DCTN1: variants seen among roughly 807,000 people sequenced by gnomAD.
DCTN1 encodes 150 kDa dynein-associated polypeptide.
A neutral mutation model predicts 161.2 loss-of-function variants in DCTN1; 61 were observed. That is an observed-to-expected ratio of 0.38 (90% CI 0.31 to 0.47). DCTN1 has a LOEUF of 0.47. DCTN1 is among the 20% of genes least tolerant of loss of function. The pLI, the probability that DCTN1 is intolerant of heterozygous loss-of-function variation, is 0.99. For synonymous variants in DCTN1, 653 were observed against 632.4 expected, an observed-to-expected ratio of 1.03 and a Z score of -0.49; for missense variants, 1,404 against 1,623.7, an observed-to-expected ratio of 0.86 and a Z score of 2.33.
chr2:74,365,372 G>A (rs1674329492), intron 25 of DCTN1, 131 bp from the exon 26 acceptor site: 1 of 1,548,486 alleles, frequency 6.5e-7, no homozygotes, highest in Non-Finnish European at 8.8e-7. Context: ...CTTAGGCTGG[G>A]GTGATGCAAT....
At chr2:74,388,347 A>G (rs1675836040) in intron 1 of DCTN1, among the ~76,000 whole-genome samples, 1 of 152,202 alleles carries the variant, frequency 6.6e-6, no homozygotes, top group East Asian at 1.9e-4. Context: ...ACTGCACTCC[A>G]GCCTGGGCAG....
chr2:74,380,542 C>G, upstream of DCTN1: 1 of 472,330 alleles, frequency 2.1e-6, no homozygotes, highest in Non-Finnish European at 4.4e-6. Context: ...CCTCAGCAGG[C>G]CCATAAGCAT....
At position 74,363,595 on chromosome 2, in the gene DCTN1, G is replaced by A. The variant is rs377261118; in HGVS notation, c.3211+19C>T. 25 of 1,613,030 alleles carry A rather than the reference G, an allele frequency of 1.5e-5. No individual in the cohort carries two copies. The highest frequency in any genetic ancestry group is 3.3e-4 in the Middle Eastern group (2 of 6,044). On this transcript the variant is annotated intron_variant, in intron 27 of 31. Coordinates refer to ENST00000628224, the MANE Select transcript of DCTN1 (RefSeq NM_004082.5). Reference sequence around the variant, plus strand: ...AACTCCCACCAGCCTGGTAACCCCCGGCCAGAGTGGGTCTCTACCTCGCTG... The same window carrying A: ...AACTCCCACCAGCCTGGTAACCCCCAGCCAGAGTGGGTCTCTACCTCGCTG...
chr2:74,372,026 T>G, intron 7 of DCTN1: 1 of 397,130 alleles, frequency 2.5e-6, no homozygotes, highest in Non-Finnish European at 4.8e-6. Context: ...TGACTCCACA[T>G]TCCTCCTAGC....
rs368562212 is a variant in DCTN1, at chr2:74,374,295, G to A, written c.432+28C>T. The A allele has an allele frequency of 5.9e-5, 83 of 1,412,860 alleles. No homozygotes were observed. In the Middle Eastern group the frequency reaches 9.5e-4, roughly 16 times the overall value. 87.5% of individuals were successfully genotyped at this position (1,412,860 alleles called of 1,614,324 possible). A position where few individuals can be genotyped will look rare whatever the true frequency, so the allele number is the denominator to read the frequency against. On this transcript the variant is annotated intron_variant, in intron 6 of 31. Transcript: ENST00000628224. ...CTGCCACCATTGCCCTGGCAACCCAGCAGCAGGACGAGAGCAAGCAAGAGT... is the reference window on the plus strand; with the variant it reads ...CTGCCACCATTGCCCTGGCAACCCAACAGCAGGACGAGAGCAAGCAAGAGT...
chr2:74,361,442 G>A lies in DCTN1; in HGVS notation c.*57C>T, dbSNP rs567051449. 3.8e-5 allele frequency: 62 copies of A among 1,611,700 alleles called. 1 individual carries two copies. The South Asian group carries it at 4.6e-4, about 12-fold the overall frequency. ...GGGCTGGCTGAGGTGGCTGTGCATCGGGCAGAGCGGCACCAGAGGGCTGAG... is the reference window on the plus strand; with the variant it reads ...GGGCTGGCTGAGGTGGCTGTGCATCAGGCAGAGCGGCACCAGAGGGCTGAG... On this transcript the variant is annotated 3_prime_UTR_variant, in exon 32 of 32. Coordinates refer to ENST00000628224, the MANE Select transcript of DCTN1 (RefSeq NM_004082.5).
upstream of DCTN1, among the ~76,000 whole-genome samples, chr2:74,382,946 G>T (rs1675576277): frequency 1.3e-5 from 2 of 151,604 alleles, no homozygotes; most frequent in African/African-American, 4.8e-5. Context: ...GCGGTGGCGG[G>T]CGCCTGTAGT....
At chr2:74,376,873 G>C in intron 4 of DCTN1, 111 bp from the exon 5 acceptor site, 5 of 912,226 alleles carry the variant, frequency 5.5e-6, no homozygotes, top group Non-Finnish European at 8.9e-6. Context: ...GAGTCAGGGT[G>C]AGATGAGTAG....
rs58901202 is a variant in DCTN1, at chr2:74,369,816, G to GA, written c.1392+148dup. The GA allele has an allele frequency of 0.18, 87,189 of 480,648 alleles. 2 individuals are homozygous for GA. Among genetic ancestry groups the GA allele is most frequent in the Middle Eastern group, 0.2 (378 of 1,868 alleles). 29.8% of individuals were successfully genotyped at this position (480,648 alleles called of 1,614,324 possible). A position where few individuals can be genotyped will look rare whatever the true frequency, so the allele number is the denominator to read the frequency against. On this transcript the variant is annotated intron_variant, in intron 13 of 31. Coordinates refer to ENST00000628224, the MANE Select transcript of DCTN1 (RefSeq NM_004082.5). The surrounding 1 kb of genome is among the most constrained non-coding windows in gnomAD (Gnocchi z 4.9). ...GGCAACAGAGCGAGATTCCATCTCA[G>GA]AAAAAAAAAAAAAAAAAAAAGGCAG...
In DCTN1 at chr2:74,367,092, G is replaced by A. The variant is rs778632270; in HGVS notation, c.2269C>T (p.Leu757=). 29 of 1,614,106 alleles carry A rather than the reference G, an allele frequency of 1.8e-5. No homozygotes were observed. The highest frequency in any genetic ancestry group is 2.5e-5 in the Non-Finnish European group (29 of 1,180,050). The change falls in exon 20 of 32, where the codon CTG becomes TTG. Residue 757 remains leucine (L), a synonymous_variant. Transcript: ENST00000628224. ...ADHIKFTQSA[L]DCMSVEVGRL... ...CCTACCTCCACACTCATGCAGTCCA[G>A]AGCACTCTGCGTGAACTGTGAGGAT...
intron 1 of DCTN1, chr2:74,391,675 C>T (rs1329890638): frequency 2.6e-6 from 1 of 387,954 alleles, no homozygotes. Flanking sequence ...CCGACAAGCG[C>T]CCACCCCTGC....
chr2:74,379,553 A>G (rs970189548), intron 1 of DCTN1, among the ~76,000 whole-genome samples: 2 of 152,174 alleles, frequency 1.3e-5, no homozygotes, highest in Non-Finnish European at 2.9e-5. Flanking sequence ...CTGAACCCAA[A>G]GTCAGAGACT....
rs746414153 is a variant in DCTN1 at position 74,367,384 on chromosome 2, C to G, written c.2221G>C (p.Asp741His). The G allele has an allele frequency of 3.7e-6, 6 of 1,614,002 alleles. No individual in the cohort carries two copies. Among genetic ancestry groups the G allele is most frequent in the Non-Finnish European group, 5.1e-6 (6 of 1,180,036 alleles). The change falls in exon 19 of 32, where the codon GAC (aspartate) becomes CAC (histidine). Residue 741 changes from aspartate (D) to histidine (H), a missense_variant. Physicochemically the swap from Asp to His is moderately conservative, Grantham distance 81 (BLOSUM62 -1). This residue lies in a region of DCTN1 where 475 missense variants were observed against 489.8 expected (regional missense o/e 0.97). Coordinates refer to ENST00000628224, the MANE Select transcript of DCTN1 (RefSeq NM_004082.5). ...TGGTCAGCCAGCTGCATAGTACAGT[C>G]CTCAGGCTGTTCGGCAAGGTGGATG... is the stretch of plus-strand genomic sequence containing the variant. ...YSIHLAEQPE[D>H]CTMQLADHIK...
At chr2:74,382,027 C>T (rs1349486625), upstream of DCTN1, among the ~76,000 whole-genome samples, 1 of 152,160 alleles carries the variant, frequency 6.6e-6, no homozygotes, top group Non-Finnish European at 1.5e-5. Context: ...AGAGCCAAAA[C>T]TGGAAACAAC....
chr2:74,367,449 T>G, intron 18 of DCTN1, 29 bp from the exon 19 acceptor site: 1 of 1,613,668 alleles, frequency 6.2e-7, no homozygotes, highest in Non-Finnish European at 8.5e-7. Context: ...CAGACAACTT[T>G]TAGGCCCTGG....
In DCTN1 at chr2:74,371,486, C is replaced by CA. The variant is rs755145272; in HGVS notation, c.645+50dup. On this transcript the variant is annotated intron_variant, in intron 8 of 31. Coordinates refer to ENST00000628224, the MANE Select transcript of DCTN1 (RefSeq NM_004082.5). ...AAATTTTCAAGACACAGCGGGTAGCCACAAGCCTCTGGGTGTCTTGATTCT... is the reference window on the plus strand; with the variant it reads ...AAATTTTCAAGACACAGCGGGTAGCCAACAAGCCTCTGGGTGTCTTGATTCT... The CA allele has an allele frequency of 4.0e-6, 6 of 1,518,012 alleles. No individual in the cohort carries two copies. The South Asian group carries it at 7.3e-5, about 19-fold the overall frequency. 94.0% of individuals were successfully genotyped at this position (1,518,012 alleles called of 1,614,324 possible).
chr2:74,361,681 T>G, intron 31 of DCTN1, 45 bp from the exon 32 acceptor site: 5 of 1,613,726 alleles, frequency 3.1e-6, no homozygotes, highest in Non-Finnish European at 4.2e-6. Context: ...AGGGGCTCAC[T>G]TGAGCTGTGG....
At chr2:74,387,453 A>T (rs1164187793) in intron 1 of DCTN1, among the ~76,000 whole-genome samples, 1 of 152,134 alleles carries the variant, frequency 6.6e-6, no homozygotes, top group African/African-American at 2.4e-5. Flanking sequence ...CAGAGCCCTC[A>T]AGTTCAATAT....
intron 1 of DCTN1, chr2:74,386,546 C>T (rs754366699): frequency 2.0e-5 from 3 of 152,142 alleles, no homozygotes; most frequent in Non-Finnish European, 2.9e-5. Context: ...ACTCTTGGAG[C>T]TTATTTCAGT....
Sources: gnomAD v4.1 joint callset for allele counts (sites outside exome capture counted in the v4.1 genomes callset) on GRCh38, gnomAD v4.1.1 for gene constraint, gnomAD v4.1.1 regional missense constraint, Gnocchi (gnomAD v3.1) non-coding constraint, MANE v1.5 for transcripts, NCBI Gene and HGNC (gene_info 2026-07-23, HGNC 2026-07-21) for gene names.